The following EEF2K variants were observed in gnomAD, a reference collection of about 807,000 sequenced individuals.
EEF2K encodes the protein eukaryotic elongation factor 2 kinase, also known as alternative protein EEF2K.
Under a neutral mutation model 93.8 loss-of-function variants are expected in EEF2K, and 70 were observed. The observed-to-expected ratio is 0.75, with a 90% confidence interval of 0.62 to 0.91. EEF2K has a LOEUF of 0.91. Among genes scored for constraint, EEF2K ranks in the 40% least tolerant of loss-of-function variants. EEF2K has a pLI of 0.00. For synonymous variants in EEF2K, 376 were observed against 380.8 expected, an observed-to-expected ratio of 0.99 and a Z score of 0.15; for missense variants, 935 against 972.9, an observed-to-expected ratio of 0.96 and a Z score of 0.52.
intron 13 of EEF2K, 25 bp downstream of exon 13, chr16:22,264,905 T>C: frequency 6.2e-7 from 1 of 1,613,654 alleles, no homozygotes; most frequent in Non-Finnish European, 8.5e-7. Flanking sequence ...GGCACCCTTG[T>C]CTCTGCCTCT....
intron 16 of EEF2K, among the ~76,000 whole-genome samples, chr16:22,277,179 C>T (rs1253710483): frequency 6.6e-6 from 1 of 152,140 alleles, no homozygotes; most frequent in Admixed American, 6.5e-5. Context: ...CTCTGTCACC[C>T]AGGCTAGAGT....
At chr16:22,229,150 C>T (rs1322926029) in intron 2 of EEF2K, among the ~76,000 whole-genome samples, 1 of 151,486 alleles carries the variant, frequency 6.6e-6, no homozygotes, top group African/African-American at 2.4e-5. Flanking sequence ...AAACAAAAAA[C>T]AAAAAACAAA....
chr16:22,258,731 G>T (rs1237066613), intron 10 of EEF2K, 36 bp downstream of exon 10: 14 of 1,613,072 alleles, frequency 8.7e-6, no homozygotes, highest in Non-Finnish European at 1.1e-5. Flanking sequence ...ACTGTGATTG[G>T]AGGGGACAGG....
chr16:22,275,332 T>A (rs1478995095), intron 16 of EEF2K, among the ~76,000 whole-genome samples: 3 of 151,256 alleles, frequency 2.0e-5, no homozygotes, highest in Admixed American at 6.6e-5. Flanking sequence ...ATTTTTTAAT[T>A]ATTATTATTT....
At chr16:22,242,379 TG>T (rs1405571578) in intron 2 of EEF2K, among the ~76,000 whole-genome samples, 4 of 151,790 alleles carry the variant, frequency 2.6e-5, no homozygotes, top group Non-Finnish European at 4.4e-5. Context: ...TGGAGTGCAG[TG>T]GCCTGATCTC....
chr16:22,248,745 G>T lies in EEF2K; in HGVS notation c.348-10G>T. 6.2e-7 allele frequency: 1 copy of T among 1,613,848 alleles called. No individual in the cohort carries two copies. On this transcript the variant is annotated splice_polypyrimidine_tract_variant and intron_variant, in intron 3 of 17. Transcript: ENST00000263026. ...GGACGCTGTGCCCCATGGTGGATGGGTCTCTGCAGGTACAACGCCGTCACC... is the reference window on the plus strand; with the variant it reads ...GGACGCTGTGCCCCATGGTGGATGGTTCTCTGCAGGTACAACGCCGTCACC...
intron 16 of EEF2K, among the ~76,000 whole-genome samples, chr16:22,279,874 TA>T (rs766620526): frequency 5.3e-5 from 8 of 152,176 alleles, no homozygotes; most frequent in Non-Finnish European, 8.8e-5. Context: ...CGTGCACCTG[TA>T]ATCCTAGCTA....
rs2047411632 is a variant in EEF2K at position 22,257,287 on chromosome 16, A to G, written c.803A>G (p.His268Arg). Residue 268 changes from histidine to arginine, a missense_variant, in exon 8 of 18, where the codon CAT becomes CGT. Coordinates refer to ENST00000263026, the MANE Select transcript of EEF2K (RefSeq NM_013302.5). ...FSHFTFERSG[H>R]QLIVVDIQGV... ...CACTTCACTTTTGAGCGTTCCGGCC[A>G]TCAGCTGATAGTGGTGGACATCCAG... 6.2e-7 allele frequency: 1 copy of G among 1,613,830 alleles called. No homozygotes were observed. Among genetic ancestry groups the G allele is most frequent in the African/African-American group, 1.3e-5 (1 of 74,866 alleles).
rs1304464956 is a variant in EEF2K, at chr16:22,285,629, G to C, written c.*1633G>C. On this transcript the variant is annotated 3_prime_UTR_variant, in exon 18 of 18. Transcript: ENST00000263026. ...AGCTCAGGACTTCAAGACCAGCCTG[G>C]GTAAACATGGCGAGACCCTGTCTCT... is the stretch of plus-strand genomic sequence containing the variant. The C allele has an allele frequency of 2.0e-5, 3 of 152,190 alleles. No homozygotes were observed. The highest frequency in any genetic ancestry group is 2.0e-4 in the Admixed American group (3 of 15,242). 9.4% of individuals were successfully genotyped at this position (152,190 alleles called of 1,614,324 possible). A position where few individuals can be genotyped will look rare whatever the true frequency, so the allele number is the denominator to read the frequency against.
At chr16:22,280,439 C>A in intron 17 of EEF2K, 63 bp downstream of exon 17, 1 of 1,358,140 alleles carries the variant, frequency 7.4e-7, no homozygotes, top group East Asian at 2.8e-5. Context: ...ACCTAATTTC[C>A]ATTCCACTGG....
At chr16:22,263,737 A>G (rs956157511) in intron 12 of EEF2K, among the ~76,000 whole-genome samples, 7 of 152,198 alleles carry the variant, frequency 4.6e-5, no homozygotes, top group African/African-American at 1.7e-4. Flanking sequence ...GACAAATCTT[A>G]TGGTGAAGTG....
chr16:22,269,560 C>A (rs1021359446), intron 15 of EEF2K, among the ~76,000 whole-genome samples: 1 of 152,016 alleles, frequency 6.6e-6, no homozygotes, highest in African/African-American at 2.4e-5. Flanking sequence ...TGCCACCACA[C>A]CTGGCTAATT....
At chr16:22,224,944 A>T (rs1567263084) in intron 1 of EEF2K, among the ~76,000 whole-genome samples, 4 of 151,786 alleles carry the variant, frequency 2.6e-5, no homozygotes, top group African/African-American at 9.7e-5. Context: ...CAAGAGTGAA[A>T]CTCTGTCTCA....
chr16:22,254,571 A>G (rs2047381783), intron 6 of EEF2K, among the ~76,000 whole-genome samples: 1 of 152,200 alleles, frequency 6.6e-6, no homozygotes, highest in African/African-American at 2.4e-5. Flanking sequence ...GGTGCAAGCT[A>G]GAGTCCCTAA....
At chr16:22,274,033 C>T (rs1326461055) in intron 16 of EEF2K, among the ~76,000 whole-genome samples, 2 of 152,172 alleles carry the variant, frequency 1.3e-5, no homozygotes, top group Non-Finnish European at 2.9e-5. Flanking sequence ...TGGCTGGGCG[C>T]GGTGGCTCAT....
chr16:22,207,323 T>TG (rs1232131187), intron 1 of EEF2K, among the ~76,000 whole-genome samples: 1 of 151,972 alleles, frequency 6.6e-6, no homozygotes, highest in Non-Finnish European at 1.5e-5. Context: ...ATGGGCCGCA[T>TG]GGGGAAGTGA....
Position 22,280,380 on chromosome 16 carries a change from G to A in EEF2K, c.2068+4G>A, listed in dbSNP as rs1416591136. ...GAGAAGGACCCGCAGAGATCAGGTA[G>A]GGCCTGGCAGACCTGCCCCTGGGCT... On this transcript the variant is annotated splice_donor_region_variant and intron_variant, in intron 17 of 17. Coordinates refer to ENST00000263026, the MANE Select transcript of EEF2K (RefSeq NM_013302.5). 2 of 1,505,672 alleles carry A rather than the reference G, an allele frequency of 1.3e-6. No homozygotes were observed. Among genetic ancestry groups the A allele is most frequent in the Non-Finnish European group, 8.9e-7 (1 of 1,122,354 alleles). 93.3% of individuals were successfully genotyped at this position (1,505,672 alleles called of 1,614,324 possible).
intron 1 of EEF2K, among the ~76,000 whole-genome samples, chr16:22,207,472 C>T (rs1465687573): frequency 1.3e-5 from 2 of 152,150 alleles, no homozygotes; most frequent in East Asian, 3.9e-4. Context: ...CTCTGGCCCT[C>T]GGTTTTCTCA....
intron 11 of EEF2K, 115 bp from the exon 12 acceptor site, chr16:22,262,995 G>T (rs1223505159): frequency 1.1e-6 from 1 of 887,414 alleles, no homozygotes; most frequent in South Asian, 1.6e-5. Context: ...CAGGAGCAGG[G>T]TGTTAGGTAA....
Sources: allele counts gnomAD v4.1 joint callset (sites outside exome capture counted in the v4.1 genomes callset), GRCh38; gene constraint gnomAD v4.1.1; transcripts MANE v1.5; gene names NCBI Gene and HGNC (gene_info 2026-07-23, HGNC 2026-07-21).